PDGFD: variants seen among roughly 807,000 people sequenced by gnomAD.
The protein encoded by PDGFD is platelet derived growth factor D.
A neutral mutation model predicts 44.7 loss-of-function variants in PDGFD; 30 were observed. The observed-to-expected ratio is 0.67, with a 90% CI of 0.50 to 0.91. The LOEUF (loss-of-function observed/expected upper bound fraction) is 0.91. Ranked by LOEUF, PDGFD falls within the 40% of genes least tolerant of loss-of-function variation. The pLI is 0.00. For missense variants in PDGFD, 445 were observed against 457.8 expected (o/e 0.97, Z 0.25); for synonymous variants, 173 against 168.4 (o/e 1.03, Z -0.21).
chr11:103,949,577 T>TCA (rs907857642), intron 3 of PDGFD, among the ~76,000 whole-genome samples: 13 of 152,330 alleles, frequency 8.5e-5, no homozygotes, highest in African/African-American at 3.1e-4. Flanking sequence ...GGAGCAATCC[T>TCA]CACATTACAG....
intron 3 of PDGFD, among the ~76,000 whole-genome samples, chr11:103,982,228 T>C (rs192450593): frequency 1.3e-4 from 20 of 151,880 alleles, no homozygotes; most frequent in Admixed American, 8.5e-4. Flanking sequence ...TAAATGATGG[T>C]CTCTTTATAT....
chr11:104,156,217 G>A (rs1351735), intron 1 of PDGFD, among the ~76,000 whole-genome samples: 16,093 of 152,044 alleles, frequency 0.11, 916 homozygotes, highest in African/African-American at 0.14. Context: ...ACCAGGCATG[G>A]TGGCATGTGC....
intron 1 of PDGFD, among the ~76,000 whole-genome samples, chr11:104,111,410 A>AT (rs1164874737): frequency 2.0e-5 from 3 of 151,818 alleles, no homozygotes; most frequent in Non-Finnish European, 4.4e-5. Context: ...TTACAGCTGC[A>AT]TGCCACCATG....
chr11:103,912,365 T>C (rs1429099758), intron 6 of PDGFD, among the ~76,000 whole-genome samples: 1 of 152,192 alleles, frequency 6.6e-6, no homozygotes, highest in Non-Finnish European at 1.5e-5. Flanking sequence ...CAGAATTTCA[T>C]ATCCAGCCAA....
chr11:104,007,774 G>T (rs926794874), intron 1 of PDGFD, among the ~76,000 whole-genome samples: 2 of 152,178 alleles, frequency 1.3e-5, no homozygotes, highest in Non-Finnish European at 2.9e-5. Flanking sequence ...AGTAATGTTT[G>T]CCCAGAATGT....
intron 6 of PDGFD, among the ~76,000 whole-genome samples, chr11:103,919,567 G>GGTGTGATC (rs1858178882): frequency 7.8e-6 from 1 of 128,626 alleles, no homozygotes; most frequent in Admixed American, 9.1e-5. Context: ...AGAGTGCAAT[G>GGTGTGATC]GTGTGATCCC....
chr11:103,912,010 T>C (rs529941264), intron 6 of PDGFD, among the ~76,000 whole-genome samples: 1 of 152,192 alleles, frequency 6.6e-6, no homozygotes, highest in South Asian at 2.1e-4. Context: ...TTGATTGGTG[T>C]CCCCCAAAGT....
chr11:104,040,258 T>A (rs369450359), intron 1 of PDGFD, among the ~76,000 whole-genome samples: 14 of 152,100 alleles, frequency 9.2e-5, no homozygotes, highest in African/African-American at 3.4e-4. Flanking sequence ...AAATTTCACG[T>A]TTCTTTGGCC....
At chr11:103,919,823 A>G (rs1858184821) in intron 6 of PDGFD, among the ~76,000 whole-genome samples, 1 of 151,162 alleles carries the variant, frequency 6.6e-6, no homozygotes, top group South Asian at 2.1e-4. Context: ...CCTAACTTCT[A>G]AACCAGGCTG....
intron 1 of PDGFD, among the ~76,000 whole-genome samples, chr11:104,117,271 A>C (rs1375520619): frequency 1.3e-5 from 2 of 151,970 alleles, no homozygotes; most frequent in African/African-American, 4.8e-5. Flanking sequence ...CCACAGTCAA[A>C]ACAATACTGA....
intron 3 of PDGFD, among the ~76,000 whole-genome samples, chr11:103,954,935 C>A (rs1367077076): frequency 1.3e-5 from 2 of 151,602 alleles, no homozygotes; most frequent in African/African-American, 2.4e-5. Context: ...GAGGCCGAGG[C>A]GGGCGGATCA....
rs56847546 is a variant in PDGFD, at chr11:104,037,299, G to T, written c.125-37044C>A. The T allele has an allele frequency of 1.6e-3, 2,661 of 1,613,520 alleles. 43 individuals carry two copies. The highest frequency in any genetic ancestry group is 0.013 in the East Asian group (580 of 44,838). ...TCTCCAACCCCCACGATCTGTCCCT[G>T]CTCAAGGAACGCAACCCTCCCTTGG... On this transcript the variant is annotated intron_variant, in intron 1 of 6. Coordinates refer to ENST00000393158, the MANE Select transcript of PDGFD (RefSeq NM_025208.5).
At chr11:104,159,772 C>CA (rs1307341891) in intron 1 of PDGFD, among the ~76,000 whole-genome samples, 1 of 152,118 alleles carries the variant, frequency 6.6e-6, no homozygotes, top group East Asian at 1.9e-4. Context: ...AATCCTGTAG[C>CA]AAAAATCACT....
intron 1 of PDGFD, among the ~76,000 whole-genome samples, chr11:104,101,558 C>G (rs1166902494): frequency 6.6e-6 from 1 of 152,094 alleles, no homozygotes; most frequent in Non-Finnish European, 1.5e-5. Flanking sequence ...ACTTTCTTCA[C>G]AGAATTGGAA....
rs1234016586 is a variant in PDGFD at position 104,119,679 on chromosome 11, ATCG to A, written c.124+44122_124+44124del. Among the ~76,000 whole-genome samples the A allele has an allele frequency of 7.8e-4, 67 of 85,946 alleles. 4 individuals are homozygous for A. The highest frequency in any genetic ancestry group is 3.2e-3 in the African/African-American group (66 of 20,940). 56.4% of individuals were successfully genotyped at this position (85,946 alleles called of 152,430 possible). A position where few individuals can be genotyped will look rare whatever the true frequency, so the allele number is the denominator to read the frequency against. Reference sequence around the variant, plus strand: ...TATATAATTATATATCGATATATATATCGATATATAATATATAATATCTATTAA... The same window carrying A: ...TATATAATTATATATCGATATATATAATATATAATATATAATATCTATTAA... On this transcript the variant is annotated intron_variant, in intron 1 of 6. Transcript: ENST00000393158.
rs1858880229 is a variant in PDGFD, at chr11:103,957,836, C to T, written c.511-10112G>A. Among the ~76,000 whole-genome samples, 4 of 152,218 alleles carry T rather than the reference C, an allele frequency of 2.6e-5. No homozygotes were observed. The South Asian group carries it at 6.2e-4, about 24-fold the overall frequency. On this transcript the variant is annotated intron_variant, in intron 3 of 6. Coordinates refer to ENST00000393158, the MANE Select transcript of PDGFD (RefSeq NM_025208.5). ...GGGTGCCGCATACCAAGGGGCTGCACAGAAAGTTGCAAATTGCAAAATACT... is the reference window on the plus strand; with the variant it reads ...GGGTGCCGCATACCAAGGGGCTGCATAGAAAGTTGCAAATTGCAAAATACT...
chr11:103,910,217 G>A (rs1213208961), intron 6 of PDGFD, among the ~76,000 whole-genome samples: 1 of 152,202 alleles, frequency 6.6e-6, no homozygotes, highest in Non-Finnish European at 1.5e-5. Flanking sequence ...TATTAGCATG[G>A]AGAGGAAAAT....
At chr11:104,115,328 C>T (rs936148635) in intron 1 of PDGFD, among the ~76,000 whole-genome samples, 10 of 148,336 alleles carry the variant, frequency 6.7e-5, no homozygotes, top group African/African-American at 2.5e-4. Flanking sequence ...TATATATAGT[C>T]ATATATGTGT....
chr11:104,076,379 C>A (rs1395598770), intron 1 of PDGFD, among the ~76,000 whole-genome samples: 2 of 152,150 alleles, frequency 1.3e-5, no homozygotes, highest in Non-Finnish European at 2.9e-5. Context: ...GTGACCATAT[C>A]ACTCTTTAGT....
Sources: gnomAD v4.1 joint callset for allele counts (sites outside exome capture counted in the v4.1 genomes callset) on GRCh38, gnomAD v4.1.1 for gene constraint, MANE v1.5 for transcripts, NCBI Gene and HGNC (gene_info 2026-07-23, HGNC 2026-07-21) for gene names.